Variants in GRIA4 observed in about 807,000 individuals in gnomAD.
GRIA4 encodes glutamate ionotropic receptor AMPA type subunit 4, also known as glutamate receptor 4.
Under a neutral mutation model 104.0 loss-of-function variants are expected in GRIA4, and 34 were observed. The observed-to-expected ratio is 0.33, with a 90% CI of 0.25 to 0.44. The LOEUF (loss-of-function observed/expected upper bound fraction) is 0.44. GRIA4 is among the 20% of genes least tolerant of loss of function. The probability of loss-of-function intolerance (pLI) is 1.00; values close to 1 mark genes in which losing one functional copy is unlikely to be tolerated. For missense variants in GRIA4, 750 were observed against 1,096.5 expected, an observed-to-expected ratio of 0.68 and a Z score of 4.46; for synonymous variants, 386 against 381.9, an observed-to-expected ratio of 1.01 and a Z score of -0.13.
intron 3 of GRIA4, among the ~76,000 whole-genome samples, chr11:105,752,089 A>T (rs1940031722): frequency 6.6e-6 from 1 of 151,976 alleles, no homozygotes; most frequent in Admixed American, 6.6e-5. Flanking sequence ...TTTGGACCAG[A>T]AATCAGTTAT....
chr11:105,678,323 T>A (rs1202991779), intron 3 of GRIA4, among the ~76,000 whole-genome samples: 1 of 152,050 alleles, frequency 6.6e-6, no homozygotes, highest in Non-Finnish European at 1.5e-5. Context: ...CCTTCTCACT[T>A]AGAACTATAA....
chr11:105,734,846 A>G (rs1296006822), intron 3 of GRIA4, among the ~76,000 whole-genome samples: 2 of 152,186 alleles, frequency 1.3e-5, no homozygotes, highest in African/African-American at 4.8e-5. Context: ...AAGCACTAAT[A>G]TTACTTATCA....
In GRIA4 at chr11:105,610,783, G is replaced by A. The variant is rs567830466; in HGVS notation, c.-90-125G>A. The stretch of plus-strand genomic sequence containing the variant: ...ATGGAGACTGCGGGAAAAATCTGGC[G>A]GCTCGCGATGGATTGCTAAGGAGAA... On this transcript the variant is annotated intron_variant, in intron 1 of 16. Coordinates refer to ENST00000282499, the MANE Select transcript of GRIA4 (RefSeq NM_000829.4). 22 of 498,042 alleles carry A rather than the reference G, an allele frequency of 4.4e-5. No homozygotes were observed. In the South Asian group the frequency reaches 5.6e-4, roughly 13 times the overall value. 30.9% of individuals were successfully genotyped at this position (498,042 alleles called of 1,614,324 possible). A position where few individuals can be genotyped will look rare whatever the true frequency, so the allele number is the denominator to read the frequency against.
intron 3 of GRIA4, among the ~76,000 whole-genome samples, chr11:105,726,401 T>A (rs1280933831): frequency 2.6e-5 from 4 of 152,084 alleles, no homozygotes; most frequent in African/African-American, 9.7e-5. Context: ...GTCAGGAGCT[T>A]ATAGATAAAA....
intron 11 of GRIA4, among the ~76,000 whole-genome samples, chr11:105,920,185 T>G (rs919545965): frequency 6.6e-6 from 1 of 152,126 alleles, no homozygotes; most frequent in Non-Finnish European, 1.5e-5. Flanking sequence ...AAAGAATTGC[T>G]GACTGCTTAG....
intron 14 of GRIA4, among the ~76,000 whole-genome samples, chr11:105,952,217 G>A (rs1335879177): frequency 6.6e-6 from 1 of 152,068 alleles, no homozygotes; most frequent in Non-Finnish European, 1.5e-5. Flanking sequence ...TTTTTAATCT[G>A]TGTTCAAGTT....
At chr11:105,707,201 T>TG (rs1262951253) in intron 3 of GRIA4, 1 of 154,140 alleles carries the variant, frequency 6.5e-6, no homozygotes, top group Non-Finnish European at 1.5e-5. Flanking sequence ...TTGCTACTGG[T>TG]GGTTAAATAT....
chr11:105,858,134 A>G lies in GRIA4; in HGVS notation c.488-3890A>G, dbSNP rs1261422902. Among the ~76,000 whole-genome samples, 2 of 152,292 alleles carry G rather than the reference A, an allele frequency of 1.3e-5. 1 individual carries two copies. The highest frequency in any genetic ancestry group is 3.9e-4 in the East Asian group (2 of 5,186). On this transcript the variant is annotated intron_variant, in intron 4 of 16. Transcript: ENST00000282499. ...TTGACAGTGTTCTTTAGTAACTATGAAAAAGCCCTTAATTACTATTATAAT... is the reference window on the plus strand; with the variant it reads ...TTGACAGTGTTCTTTAGTAACTATGGAAAAGCCCTTAATTACTATTATAAT...
At chr11:105,799,828 A>G (rs76860658) in intron 4 of GRIA4, among the ~76,000 whole-genome samples, 2,972 of 152,214 alleles carry the variant, frequency 0.02, 54 homozygotes, top group East Asian at 0.054. Flanking sequence ...TGGACTAGGA[A>G]CATAGAGTAC....
Position 105,862,089 on chromosome 11 carries a change from T to G in GRIA4, c.553T>G (p.Cys185Gly). 3.1e-6 allele frequency: 5 copies of G among 1,611,338 alleles called. No homozygotes were observed. The highest frequency in any genetic ancestry group is 4.2e-6 in the Non-Finnish European group (5 of 1,177,582). ...GQNGWHVSAICVENFNDVSYR... is the reference protein window; with the variant it reads ...GQNGWHVSAIGVENFNDVSYR... ...AAATGGTTGGCATGTCAGCGCTATA[T>G]GTGTGGAAAATTTTAATGATGTCAG... The change falls in exon 5 of 17, where the codon TGT (cysteine) becomes GGT (glycine). Residue 185 changes from cysteine to glycine, a missense_variant. Transcript: ENST00000282499.
chr11:105,839,704 T>A (rs1465125196), intron 4 of GRIA4, among the ~76,000 whole-genome samples: 1 of 151,702 alleles, frequency 6.6e-6, no homozygotes, highest in African/African-American at 2.4e-5. Flanking sequence ...CAAGACTCCG[T>A]CTCAAAAAAA....
At chr11:105,871,130 C>T (rs555544262) in intron 5 of GRIA4, among the ~76,000 whole-genome samples, 3 of 151,776 alleles carry the variant, frequency 2.0e-5, no homozygotes, top group African/African-American at 4.8e-5. Context: ...GGAAGCCACA[C>T]AATAAAGGAA....
At chr11:105,754,793 A>G (rs1450241498) in intron 4 of GRIA4, among the ~76,000 whole-genome samples, 2 of 152,156 alleles carry the variant, frequency 1.3e-5, no homozygotes, top group Non-Finnish European at 2.9e-5. Flanking sequence ...AACTCTCTTT[A>G]ATGCTTAATA....
intron 3 of GRIA4, among the ~76,000 whole-genome samples, chr11:105,672,946 C>T (rs1942970): frequency 0.97 from 147,978 of 152,178 alleles, 72,048 homozygotes; most frequent in Non-Finnish European, 1. Flanking sequence ...TAGAATATGA[C>T]ACATATTTCC....
At position 105,757,586 on chromosome 11, in the gene GRIA4, G is replaced by A. The variant is rs115548500; in HGVS notation, c.487+4366G>A. On this transcript the variant is annotated intron_variant, in intron 4 of 16. Coordinates refer to ENST00000282499, the MANE Select transcript of GRIA4 (RefSeq NM_000829.4). Reference sequence around the variant, plus strand: ...GCGGTTCATTTGAAGGGTTAAAGAGGCCTGAATGGGATGGCAGGGAGACAA... The same window carrying A: ...GCGGTTCATTTGAAGGGTTAAAGAGACCTGAATGGGATGGCAGGGAGACAA... Among the ~76,000 whole-genome samples, 386 of 152,238 alleles carry A rather than the reference G, an allele frequency of 2.5e-3. 4 individuals carry two copies. The highest frequency in any genetic ancestry group is 9.1e-3 in the African/African-American group (377 of 41,554).
At chr11:105,660,997 A>G (rs887042542) in intron 3 of GRIA4, among the ~76,000 whole-genome samples, 5 of 151,652 alleles carry the variant, frequency 3.3e-5, no homozygotes, top group African/African-American at 4.8e-5. Flanking sequence ...CCTTGACTGT[A>G]TAGAAGAAAA....
intron 3 of GRIA4, among the ~76,000 whole-genome samples, chr11:105,748,412 T>C (rs1360781187): frequency 6.6e-6 from 1 of 151,688 alleles, no homozygotes; most frequent in East Asian, 1.9e-4. Context: ...GGAGTTTTGC[T>C]CTTGCTGCCC....
chr11:105,629,454 A>G (rs192145423), intron 3 of GRIA4, among the ~76,000 whole-genome samples: 116 of 152,138 alleles, frequency 7.6e-4, no homozygotes, highest in Middle Eastern at 3.4e-3. Flanking sequence ...GGAAATATGT[A>G]AGATAATGGT....
At chr11:105,670,323 A>G (rs1377039475) in intron 3 of GRIA4, among the ~76,000 whole-genome samples, 1 of 152,134 alleles carries the variant, frequency 6.6e-6, no homozygotes, top group African/African-American at 2.4e-5. Flanking sequence ...AATGTCATAC[A>G]TTTGTAGAAC....
Sources: gnomAD v4.1 joint callset for allele counts (sites outside exome capture counted in the v4.1 genomes callset) on GRCh38, gnomAD v4.1.1 for gene constraint, MANE v1.5 for transcripts, NCBI Gene and HGNC (gene_info 2026-07-23, HGNC 2026-07-21) for gene names.